The following CDKN2B-AS1 variants were observed in gnomAD, a reference collection of about 807,000 sequenced individuals.
CDKN2B-AS1 encodes CDKN2B and CDKN2A antisense cis and trans regulatory RNA 1.
intron 4 of CDKN2B-AS1, among the ~76,000 whole-genome samples, chr9:22,124,737 C>T (rs1277352836): frequency 6.6e-6 from 1 of 152,140 alleles, no homozygotes; most frequent in East Asian, 1.9e-4. Flanking sequence ...CATGTCAGGG[C>T]CAGAAGTCGT....
At chr9:22,017,835 A>G (rs867976347) in intron 1 of CDKN2B-AS1, among the ~76,000 whole-genome samples, 46 of 152,356 alleles carry the variant, frequency 3.0e-4, no homozygotes, top group African/African-American at 8.7e-4. Context: ...ATTAGTAACC[A>G]ACCTTAAACT....
chr9:21,995,078 C>T (rs1477933509), upstream of CDKN2B-AS1: 1 of 152,186 alleles, frequency 6.6e-6, no homozygotes, highest in East Asian at 1.9e-4. This position sits in a 1 kb window ranked among gnomAD's most constrained non-coding sequence, Gnocchi z 5.7. Context: ...TAAACTAAAC[C>T]GCTGCACGCC....
At chr9:22,002,042 G>A (rs992542618) in intron 1 of CDKN2B-AS1, among the ~76,000 whole-genome samples, 10 of 152,068 alleles carry the variant, frequency 6.6e-5, no homozygotes, top group African/African-American at 2.4e-4. Context: ...ATATATGTGT[G>A]ATTGTGTATC....
intron 4 of CDKN2B-AS1, chr9:22,112,308 C>T (rs1434219662): frequency 6.6e-6 from 1 of 152,288 alleles, no homozygotes; most frequent in Non-Finnish European, 1.5e-5. Context: ...ACTTTCTTCT[C>T]TTTCACTGTA....
chr9:22,076,440 T>A (rs1824495465), intron 4 of CDKN2B-AS1, among the ~76,000 whole-genome samples: 1 of 152,150 alleles, frequency 6.6e-6, no homozygotes, highest in Non-Finnish European at 1.5e-5. Flanking sequence ...ATATAACTAT[T>A]TATTTTTAAT....
rs114087920 is a variant in CDKN2B-AS1 at position 22,072,374 on chromosome 9, C to T, written n.438+15987C>T. On this transcript the variant is annotated intron_variant and non_coding_transcript_variant, in intron 4 of 4. Coordinates refer to ENST00000650946, the Ensembl canonical transcript of CDKN2B-AS1. ...TAGCTTGTCTACATTTGAGTAGTTC[C>T]ATTGCTGGAAAATGACCCTGGAGCT... Among the ~76,000 whole-genome samples the T allele has an allele frequency of 3.4e-3, 514 of 152,266 alleles. 5 individuals carry two copies. Among genetic ancestry groups the T allele is most frequent in the African/African-American group, 0.012 (493 of 41,558 alleles).
intron 4 of CDKN2B-AS1, among the ~76,000 whole-genome samples, chr9:22,081,107 T>A (rs1824677844): frequency 1.3e-5 from 2 of 152,204 alleles, no homozygotes; most frequent in African/African-American, 2.4e-5. Context: ...CATATGGCAA[T>A]ATAATTTTGA....
chr9:22,009,832 T>C (rs554336812), intron 1 of CDKN2B-AS1, among the ~76,000 whole-genome samples: 1 of 152,238 alleles, frequency 6.6e-6, no homozygotes, highest in African/African-American at 2.4e-5. Context: ...TGTGTCTTTC[T>C]GTTTGAATTA....
chr9:22,109,596 A>G (rs778853787), intron 4 of CDKN2B-AS1, among the ~76,000 whole-genome samples: 1 of 152,190 alleles, frequency 6.6e-6, no homozygotes, highest in Non-Finnish European at 1.5e-5. Context: ...ATTTTATTGT[A>G]TGCCCATCAA....
intron 4 of CDKN2B-AS1, among the ~76,000 whole-genome samples, chr9:22,101,047 A>ATTTGT (rs1825464510): frequency 1.3e-5 from 2 of 152,158 alleles, no homozygotes; most frequent in Non-Finnish European, 2.9e-5. Flanking sequence ...TTTTAACTTT[A>ATTTGT]ATTTGACTGA....
chr9:21,998,031 A>G (rs2131160730), intron 1 of CDKN2B-AS1, among the ~76,000 whole-genome samples: 1 of 152,342 alleles, frequency 6.6e-6, no homozygotes, highest in Non-Finnish European at 1.5e-5. Context: ...CCATCTGAAT[A>G]AAAGGATAAT....
chr9:22,110,541 G>A (rs1038320355), intron 4 of CDKN2B-AS1, among the ~76,000 whole-genome samples: 1 of 152,090 alleles, frequency 6.6e-6, no homozygotes, highest in Non-Finnish European at 1.5e-5. Flanking sequence ...ATCTTTTAAT[G>A]AGAGCTTAGT....
chr9:22,049,758 A>G (rs1448904708), intron 3 of CDKN2B-AS1, among the ~76,000 whole-genome samples: 1 of 152,240 alleles, frequency 6.6e-6, no homozygotes, highest in Non-Finnish European at 1.5e-5. Flanking sequence ...GGCATCATGT[A>G]TAGTATTGTT....
chr9:22,042,341 G>A (rs1822931967), intron 1 of CDKN2B-AS1, among the ~76,000 whole-genome samples: 1 of 151,850 alleles, frequency 6.6e-6, no homozygotes, highest in Admixed American at 6.6e-5. Flanking sequence ...TGCCTTCAAG[G>A]GTCTATGAAC....
At chr9:22,054,054 A>C (rs1281131581) in intron 3 of CDKN2B-AS1, among the ~76,000 whole-genome samples, 2 of 152,234 alleles carry the variant, frequency 1.3e-5, no homozygotes, top group East Asian at 3.8e-4. Flanking sequence ...AACGGAAATT[A>C]TAATAATAAC....
At chr9:22,124,797 C>T (rs1053276901) in intron 4 of CDKN2B-AS1, among the ~76,000 whole-genome samples, 1 of 152,168 alleles carries the variant, frequency 6.6e-6, no homozygotes, top group African/African-American at 2.4e-5. Flanking sequence ...TGTGGCCTGC[C>T]TTCAAGATAG....
At chr9:22,004,680 T>G (rs1209845737) in intron 1 of CDKN2B-AS1, 2 of 232,764 alleles carry the variant, frequency 8.6e-6, no homozygotes, top group Non-Finnish European at 1.7e-5. Context: ...GTTTGTTCAG[T>G]GATAGTAGGA....
chr9:22,013,154 C>A (rs1164141829), intron 1 of CDKN2B-AS1, among the ~76,000 whole-genome samples: 1 of 152,104 alleles, frequency 6.6e-6, no homozygotes, highest in East Asian at 1.9e-4. Flanking sequence ...TTGAGGACAC[C>A]AGTCAGATTG....
intron 4 of CDKN2B-AS1, among the ~76,000 whole-genome samples, chr9:22,087,071 C>T (rs1361537801): frequency 2.6e-5 from 4 of 152,212 alleles, no homozygotes. Context: ...CCCTCCTTAG[C>T]CCCTGTAGTG....
Sources: allele counts gnomAD v4.1 joint callset (sites outside exome capture counted in the v4.1 genomes callset), GRCh38; gene constraint gnomAD v4.1.1; non-coding constraint Gnocchi (gnomAD v3.1); transcripts MANE v1.5; gene names NCBI Gene and HGNC (gene_info 2026-07-23, HGNC 2026-07-21).